The following TKFC variants were observed in gnomAD, a reference collection of about 807,000 sequenced individuals.
The protein encoded by TKFC is triokinase and FMN cyclase, also known as triokinase/FMN cyclase.
Under a neutral mutation model 61.0 loss-of-function variants are expected in TKFC, and 46 were observed. The ratio of observed to expected loss-of-function variants is 0.75; its 90% CI spans 0.60 to 0.96. TKFC has a LOEUF of 0.96. TKFC is among the 50% of genes least tolerant of loss of function. TKFC has a pLI of 0.00. For synonymous variants in TKFC, 314 were observed against 330.1 expected, an observed-to-expected ratio of 0.95 and a Z score of 0.53; for missense variants, 715 against 777.5, an observed-to-expected ratio of 0.92 and a Z score of 0.96.
chr11:61,342,344 C>T (rs1345071057), intron 7 of TKFC, 117 bp from the exon 8 acceptor site: 4 of 1,325,084 alleles, frequency 3.0e-6, no homozygotes, highest in Admixed American at 1.7e-5. Context: ...TGTCCATTTC[C>T]ATCCCCCACT....
Position 61,346,318 on chromosome 11 carries a change from C to T in TKFC, c.1576-33C>T, listed in dbSNP as rs758061896. ...AGGAAGGAGGCGGCCTGGTGATCTGCCCTTGAACCTGCTCCCACACCCCAT... is the reference window on the plus strand; with the variant it reads ...AGGAAGGAGGCGGCCTGGTGATCTGTCCTTGAACCTGCTCCCACACCCCAT... On this transcript the variant is annotated intron_variant, in intron 17 of 17. Transcript: ENST00000394900. The surrounding 1 kb of genome is among the most constrained non-coding windows in gnomAD (Gnocchi z 4.1). The T allele has an allele frequency of 6.2e-7, 1 of 1,610,782 alleles. No individual in the cohort carries two copies. Among genetic ancestry groups the T allele is most frequent in the Non-Finnish European group, 8.5e-7 (1 of 1,179,970 alleles).
At position 61,346,303 on chromosome 11, in the gene TKFC, C is replaced by A. The variant is rs757064940; in HGVS notation, c.1576-48C>A. 2.4e-5 allele frequency: 38 copies of A among 1,608,462 alleles called. No homozygotes were observed. The highest frequency in any genetic ancestry group is 3.1e-5 in the Non-Finnish European group (37 of 1,179,812). ...CGTTCTGCCCATGGCAGGAAGGAGG[C>A]GGCCTGGTGATCTGCCCTTGAACCT... is the stretch of plus-strand genomic sequence containing the variant. On this transcript the variant is annotated intron_variant, in intron 17 of 17. Coordinates refer to ENST00000394900, the MANE Select transcript of TKFC (RefSeq NM_015533.4). This position sits in a 1 kb window ranked among gnomAD's most constrained non-coding sequence, Gnocchi z 4.1.
chr11:61,352,640 G>A (rs751344433), downstream of TKFC: 30 of 353,570 alleles, frequency 8.5e-5, no homozygotes, highest in Non-Finnish European at 1.2e-4. Context: ...CAGCCTGGGC[G>A]ACAGAGTGAG....
At chr11:61,337,730 T>G (rs764107179) in intron 2 of TKFC, among the ~76,000 whole-genome samples, 2 of 152,222 alleles carry the variant, frequency 1.3e-5, no homozygotes, top group Non-Finnish European at 2.9e-5. Context: ...GCAAGACACT[T>G]CATAAATTAG....
rs548267512 is a variant in TKFC at position 61,338,767 on chromosome 11, G to A, written c.194-299G>A. Among the ~76,000 whole-genome samples the A allele has an allele frequency of 1.4e-4, 21 of 152,266 alleles. No individual in the cohort carries two copies. The South Asian group carries it at 2.9e-3, about 21-fold the overall frequency. On this transcript the variant is annotated intron_variant, in intron 3 of 17. Coordinates refer to ENST00000394900, the MANE Select transcript of TKFC (RefSeq NM_015533.4). ...AGACAGACAATAACCAAGTAAACACGAAAGTAAATGAGATCATTTCAGAGG... is the reference window on the plus strand; with the variant it reads ...AGACAGACAATAACCAAGTAAACACAAAAGTAAATGAGATCATTTCAGAGG...
In TKFC at chr11:61,346,121, G is replaced by T. The variant is rs972124868; in HGVS notation, c.1575+175G>T. The T allele has an allele frequency of 1.1e-5, 13 of 1,158,256 alleles. No individual in the cohort carries two copies. In the African/African-American group the frequency reaches 2.0e-4, roughly 18 times the overall value. The allele number at this position is 1,158,256 out of a possible 1,614,324, so 71.7% of individuals were successfully genotyped here. A position where few individuals can be genotyped will look rare whatever the true frequency, so the allele number is the denominator to read the frequency against. Reference sequence around the variant, plus strand: ...TTATGTGGCTAAGGAAATATGTAGAGCCCCGCACACTGCCTGGGATGTGAC... The same window carrying T: ...TTATGTGGCTAAGGAAATATGTAGATCCCCGCACACTGCCTGGGATGTGAC... On this transcript the variant is annotated intron_variant, in intron 17 of 17. Coordinates refer to ENST00000394900, the MANE Select transcript of TKFC (RefSeq NM_015533.4). The surrounding 1 kb of genome is among the most constrained non-coding windows in gnomAD (Gnocchi z 4.1).
At position 61,342,609 on chromosome 11, in the gene TKFC, C is replaced by G. The variant is rs565481152; in HGVS notation, c.726C>G (p.Leu242=). ...CCGATGAGATTGTGAAACTCATGCTCGACCACATGACAAACACCACCAACG... is the reference window on the plus strand; with the variant it reads ...CCGATGAGATTGTGAAACTCATGCTGGACCACATGACAAACACCACCAACG... The part of the protein sequence containing the change: ...ATADEIVKLM[L]DHMTNTTNAS... Residue 242 remains leucine (L), a synonymous_variant, in exon 9 of 18, where the codon CTC becomes CTG. Transcript: ENST00000394900. 6.2e-7 allele frequency: 1 copy of G among 1,613,928 alleles called. No individual in the cohort carries two copies. The highest frequency in any genetic ancestry group is 1.3e-5 in the African/African-American group (1 of 74,948).
At chr11:61,351,185 T>G (rs780078596), downstream of TKFC, 1 of 1,569,334 alleles carries the variant, frequency 6.4e-7, no homozygotes, top group Non-Finnish European at 8.7e-7. Context: ...TCGAGAGATT[T>G]TTCCACCTAT....
rs1173772739 is a variant in TKFC, at chr11:61,347,803, A to G, written c.*1300A>G. On this transcript the variant is annotated 3_prime_UTR_variant, in exon 18 of 18. Coordinates refer to ENST00000394900, the MANE Select transcript of TKFC (RefSeq NM_015533.4). ...AGCCCTTTGGGATCTGTAAAATCAG[A>G]ATGGTACCCACCTCATGGGGACATG... 3.1e-6 allele frequency: 3 copies of G among 975,162 alleles called. No individual in the cohort carries two copies. The African/African-American group carries it at 5.3e-5, about 17-fold the overall frequency. The allele number at this position is 975,162 out of a possible 1,614,324, so 60.4% of individuals were successfully genotyped here.
intron 1 of TKFC, 62 bp from the exon 2 acceptor site, chr11:61,334,558 C>T (rs1006986243): frequency 5.2e-6 from 4 of 775,110 alleles, no homozygotes; most frequent in Admixed American, 2.2e-5. Flanking sequence ...GTGCTGAAGG[C>T]GTGATTGTGC....
At chr11:61,351,087 G>A (rs768203470), downstream of TKFC, 12 of 1,613,714 alleles carry the variant, frequency 7.4e-6, no homozygotes, top group African/African-American at 5.3e-5. Flanking sequence ...CCAGCATCCC[G>A]GTGCTGTTGG....
downstream of TKFC, chr11:61,349,703 C>T (rs1256009069): frequency 1.4e-6 from 1 of 699,494 alleles, no homozygotes; most frequent in East Asian, 2.7e-5. Flanking sequence ...CAATACGAAA[C>T]AGAACAGCTC....
In TKFC at chr11:61,347,948, C is replaced by A. The variant is rs1857223095; in HGVS notation, c.*1445C>A. 1 of 985,288 alleles carries A rather than the reference C, an allele frequency of 1.0e-6. No homozygotes were observed. Among genetic ancestry groups the A allele is most frequent in the Non-Finnish European group, 1.2e-6 (1 of 829,954 alleles). 61.0% of individuals were successfully genotyped at this position (985,288 alleles called of 1,614,324 possible). On this transcript the variant is annotated 3_prime_UTR_variant, in exon 18 of 18. Transcript: ENST00000394900. ...CCCCCAGCCCCTCCCAGGTCATCTG[C>A]TCTACCACTAGCTGGTAGGAAAGAG...
At chr11:61,352,718 T>A, downstream of TKFC, 2 of 1,000,544 alleles carry the variant, frequency 2.0e-6, no homozygotes, top group Non-Finnish European at 2.7e-6. Context: ...ACCAATGATG[T>A]AGGGTGGTTG....
rs1856901061 is a variant in TKFC, at chr11:61,342,460, G to C, written c.656-1G>C. 1.2e-6 allele frequency: 2 copies of C among 1,613,952 alleles called. No individual in the cohort carries two copies. The highest frequency in any genetic ancestry group is 2.7e-5 in the African/African-American group (2 of 74,934). On this transcript the variant is annotated splice_acceptor_variant, in intron 7 of 17. Transcript: ENST00000394900. LOFTEE classifies it high-confidence loss of function. ...TCAGCAGTGACCACATCTATCCGCA[G>C]GGATCCACGGGGAAGCTGGTGTGCG...
chr11:61,336,381 G>A (rs977319579), intron 2 of TKFC: 6 of 153,946 alleles, frequency 3.9e-5, no homozygotes, highest in Non-Finnish European at 8.8e-5. Context: ...GGTTCCCACC[G>A]GGCCACCAGG....
At chr11:61,340,237 C>CCTGA (rs998425050) in intron 5 of TKFC, among the ~76,000 whole-genome samples, 5 of 152,032 alleles carry the variant, frequency 3.3e-5, no homozygotes, top group Admixed American at 1.3e-4. Context: ...GCCTCGAACT[C>CCTGA]CTGACCTCAA....
chr11:61,346,525 G>A lies in TKFC; in HGVS notation c.*22G>A. The A allele has an allele frequency of 6.3e-7, 1 of 1,578,192 alleles. No homozygotes were observed. Among genetic ancestry groups the A allele is most frequent in the South Asian group, 1.1e-5 (1 of 89,428 alleles). ...CTAGGGTGTGTGACTGCCTCCCTTG[G>A]CCTCAGCTCCTCTCACTGCTGTGCT... On this transcript the variant is annotated 3_prime_UTR_variant, in exon 18 of 18. Transcript: ENST00000394900. The surrounding 1 kb of genome is among the most constrained non-coding windows in gnomAD (Gnocchi z 4.1).
In TKFC at chr11:61,339,341, C is replaced by A; in HGVS notation, c.392C>A (p.Pro131Gln). 6.2e-7 allele frequency: 1 copy of A among 1,613,846 alleles called. No individual in the cohort carries two copies. Among genetic ancestry groups the A allele is most frequent in the Non-Finnish European group, 8.5e-7 (1 of 1,180,038 alleles). ...AREQARAEGI[P>Q]VEMVVIGDDS... ...GAGCAGGCCCGGGCTGAAGGCATCC[C>A]GGTGGAGATGGTGGTGATTGGGGAC... The change falls in exon 5 of 18, where the codon CCG becomes CAG. Residue 131 changes from proline to glutamine, a missense_variant. Coordinates refer to ENST00000394900, the MANE Select transcript of TKFC (RefSeq NM_015533.4).
Sources: gnomAD v4.1 joint callset for allele counts (sites outside exome capture counted in the v4.1 genomes callset) on GRCh38, gnomAD v4.1.1 for gene constraint, Gnocchi (gnomAD v3.1) non-coding constraint, MANE v1.5 for transcripts, NCBI Gene and HGNC (gene_info 2026-07-23, HGNC 2026-07-21) for gene names.